Variants in FHIT observed in about 807,000 individuals in gnomAD.
FHIT encodes bis(5'-adenosyl)-triphosphatase.
A neutral mutation model predicts 17.9 loss-of-function variants in FHIT; 19 were observed. The observed-to-expected ratio is 1.06, with a 90% CI of 0.74 to 1.56. The LOEUF is 1.56. FHIT is among the 40% of genes most tolerant of loss of function. FHIT has a pLI of 0.00. For missense variants in FHIT, 248 were observed against 189.2 expected, an observed-to-expected ratio of 1.31 and a Z score of -1.82; for synonymous variants, 81 against 69.7, an observed-to-expected ratio of 1.16 and a Z score of -0.81.
intron 5 of FHIT, among the ~76,000 whole-genome samples, chr3:60,216,586 A>T (rs1020984637): frequency 6.6e-6 from 1 of 152,146 alleles, no homozygotes; most frequent in Admixed American, 6.5e-5. Flanking sequence ...TCTACCTAAT[A>T]CTGAGCTGAA....
intron 8 of FHIT, among the ~76,000 whole-genome samples, chr3:59,854,527 A>G (rs904313197): frequency 6.6e-6 from 1 of 152,144 alleles, no homozygotes; most frequent in Non-Finnish European, 1.5e-5. Context: ...GGCATCACAT[A>G]TTTAGCAAAT....
At chr3:60,739,788 C>A (rs998201848) in intron 4 of FHIT, among the ~76,000 whole-genome samples, 1 of 152,168 alleles carries the variant, frequency 6.6e-6, no homozygotes, top group Non-Finnish European at 1.5e-5. Context: ...GAGCCATACA[C>A]CCAGATAGTG....
intron 5 of FHIT, among the ~76,000 whole-genome samples, chr3:60,480,355 T>G (rs2033553840): frequency 6.6e-6 from 1 of 152,170 alleles, no homozygotes; most frequent in Admixed American, 6.5e-5. Context: ...ATCATTCCAG[T>G]GCTGGTCCCT....
intron 8 of FHIT, among the ~76,000 whole-genome samples, chr3:59,753,484 C>A (rs553753384): frequency 6.6e-6 from 1 of 152,090 alleles, no homozygotes; most frequent in Non-Finnish European, 1.5e-5. Flanking sequence ...CTCCCTTAAC[C>A]TCCTATTATG....
chr3:61,076,167 G>A (rs1037191636), intron 2 of FHIT, among the ~76,000 whole-genome samples: 6 of 152,130 alleles, frequency 3.9e-5, no homozygotes, highest in Admixed American at 1.3e-4. Context: ...GATAATCTGC[G>A]ATATCAACCC....
chr3:59,951,759 C>T (rs1707129315), intron 7 of FHIT, among the ~76,000 whole-genome samples: 1 of 152,162 alleles, frequency 6.6e-6, no homozygotes, highest in African/African-American at 2.4e-5. Flanking sequence ...AAAGCCTCTT[C>T]ATTGAGATGT....
At chr3:59,922,458 T>C (rs1451583775) in intron 7 of FHIT, 44 bp from the exon 8 acceptor site, 32 of 1,526,864 alleles carry the variant, frequency 2.1e-5, no homozygotes, top group Non-Finnish European at 2.3e-5. Context: ...TATCTCCCCA[T>C]GTATTTTTAG....
At chr3:60,371,297 A>C (rs1009250782) in intron 5 of FHIT, among the ~76,000 whole-genome samples, 2 of 152,212 alleles carry the variant, frequency 1.3e-5, no homozygotes, top group African/African-American at 2.4e-5. Flanking sequence ...TAATTGGGAT[A>C]TCCACCACCT....
chr3:61,137,143 G>A (rs920232297), intron 2 of FHIT, among the ~76,000 whole-genome samples: 4 of 152,128 alleles, frequency 2.6e-5, no homozygotes, highest in East Asian at 3.9e-4. Context: ...GCTTAGCACT[G>A]CAGACTCTTT....
intron 3 of FHIT, among the ~76,000 whole-genome samples, chr3:60,963,009 C>A (rs148571993): frequency 0.095 from 14,508 of 152,082 alleles, 951 homozygotes; most frequent in East Asian, 0.24. Flanking sequence ...GAATGGTACC[C>A]GCTCCTCTTT....
intron 3 of FHIT, among the ~76,000 whole-genome samples, chr3:60,941,093 G>A (rs1335754570): frequency 1.3e-5 from 2 of 152,202 alleles, no homozygotes; most frequent in Admixed American, 1.3e-4. Flanking sequence ...AAATATAATG[G>A]AGATATTTAA....
At chr3:60,849,060 C>A (rs1208454578) in intron 3 of FHIT, among the ~76,000 whole-genome samples, 1 of 152,036 alleles carries the variant, frequency 6.6e-6, no homozygotes, top group Non-Finnish European at 1.5e-5. Flanking sequence ...GTTATCCATG[C>A]AGACTGAATA....
At chr3:60,580,472 T>C (rs1553659381) in intron 4 of FHIT, among the ~76,000 whole-genome samples, 1 of 152,140 alleles carries the variant, frequency 6.6e-6, no homozygotes. Context: ...AGTAACATCT[T>C]TAGCTGATTT....
chr3:59,989,203 G>A (rs1475714992), intron 7 of FHIT, among the ~76,000 whole-genome samples: 3 of 152,000 alleles, frequency 2.0e-5, no homozygotes, highest in South Asian at 4.1e-4. Context: ...TTCAAGCCAG[G>A]CTCCTCTGCC....
intron 4 of FHIT, among the ~76,000 whole-genome samples, chr3:60,641,412 TCTTTGCA>T (rs1416738318): frequency 6.6e-6 from 1 of 152,170 alleles, no homozygotes; most frequent in Non-Finnish European, 1.5e-5. Context: ...TATATTCTAT[TCTTTGCA>T]CTTTGAAGAT....
At chr3:59,893,515 G>A (rs1208792311) in intron 8 of FHIT, among the ~76,000 whole-genome samples, 1 of 152,208 alleles carries the variant, frequency 6.6e-6, no homozygotes, top group East Asian at 1.9e-4. Context: ...AGAAATAGGA[G>A]AATGTCCCCA....
At chr3:60,712,402 A>T (rs2041560663) in intron 4 of FHIT, among the ~76,000 whole-genome samples, 1 of 152,110 alleles carries the variant, frequency 6.6e-6, no homozygotes, top group African/African-American at 2.4e-5. Flanking sequence ...CATCATAATG[A>T]CAGGATCAAA....
chr3:61,031,816 G>A (rs1007107142), intron 3 of FHIT, among the ~76,000 whole-genome samples: 7 of 150,816 alleles, frequency 4.6e-5, no homozygotes, highest in African/African-American at 9.9e-5. Context: ...ATGACTGAGC[G>A]CCATCGCCTG....
chr3:60,068,948 C>T (rs2736810), intron 5 of FHIT, among the ~76,000 whole-genome samples: 50,597 of 151,986 alleles, frequency 0.33, 9,742 homozygotes, highest in African/African-American at 0.53. Flanking sequence ...TACTAAAATA[C>T]AGAAGTGGTT....
Sources: gnomAD v4.1 joint callset for allele counts (sites outside exome capture counted in the v4.1 genomes callset) on GRCh38, gnomAD v4.1.1 for gene constraint, MANE v1.5 for transcripts, NCBI Gene and HGNC (gene_info 2026-07-23, HGNC 2026-07-21) for gene names.